CAST: variants seen among roughly 807,000 people sequenced by gnomAD.
The protein encoded by CAST is MIR583 host.
CAST carries 76 observed loss-of-function variants against 119.6 expected under a neutral mutation model. That is an observed-to-expected ratio of 0.64 (90% CI 0.53 to 0.77). CAST has a LOEUF of 0.77. CAST is among the 30% of genes least tolerant of loss of function. The probability of loss-of-function intolerance (pLI) is 0.00; values close to 1 mark genes in which losing one functional copy is unlikely to be tolerated. For missense variants in CAST, 953 were observed against 946.5 expected (o/e 1.01, Z -0.09); for synonymous variants, 319 against 331.6 (o/e 0.96, Z 0.41).
At chr5:96,642,404 A>C (rs973530490) in intron 1 of CAST, among the ~76,000 whole-genome samples, 126 of 152,332 alleles carry the variant, frequency 8.3e-4, no homozygotes, top group Middle Eastern at 3.4e-3. Flanking sequence ...GGAATTAGAA[A>C]GGCACTTCCA....
chr5:96,556,508 C>T (rs1746243628), intron 1 of CAST, among the ~76,000 whole-genome samples: 2 of 152,094 alleles, frequency 1.3e-5, no homozygotes, highest in Admixed American at 1.3e-4. Flanking sequence ...GCAGAGAAGT[C>T]CTTAAAGGAC....
the CAST span, among the ~76,000 whole-genome samples, chr5:96,077,520 A>G: frequency 7.2e-5 from 11 of 152,290 alleles, no homozygotes; most frequent in East Asian, 2.1e-3. Flanking sequence ...TGATCCACCC[A>G]AACTTCATGT....
rs751155983 is a variant in CAST, at chr5:96,730,851, G to A, written c.621G>A (p.Pro207=). 66 of 1,612,264 alleles carry A rather than the reference G, an allele frequency of 4.1e-5. No homozygotes were observed. Among genetic ancestry groups the A allele is most frequent in the Non-Finnish European group, 5.3e-5 (62 of 1,178,448 alleles). The part of the protein sequence containing the change: ...VAGITAISGK[P]GDKKKEKKSL... The stretch of plus-strand genomic sequence containing the variant: ...GTATCACTGCAATATCTGGCAAGCC[G>A]GGTGACAAGGTGAGCACACACAAGC... Residue 207 remains proline (P), a synonymous_variant, in exon 9 of 32, where the codon CCG becomes CCA. Transcript: ENST00000675179.
chr5:96,433,268 G>C, the CAST span: 1 of 580,574 alleles, frequency 1.7e-6, no homozygotes, highest in Non-Finnish European at 3.1e-6. Context: ...GCCCTTCCCA[G>C]CCAGAATGGA....
the CAST span, among the ~76,000 whole-genome samples, chr5:96,197,200 C>A: frequency 6.6e-6 from 1 of 152,124 alleles, no homozygotes; most frequent in African/African-American, 2.4e-5. Flanking sequence ...GCATCTGTCC[C>A]AGTTCAAATC....
chr5:95,962,111 G>C, the CAST span: 2 of 374,150 alleles, frequency 5.3e-6, no homozygotes, highest in African/African-American at 4.2e-5. Flanking sequence ...TGGCTAGCCG[G>C]CCGAGATTGG....
At chr5:96,190,632 C>CT in the CAST span, among the ~76,000 whole-genome samples, 2 of 152,142 alleles carry the variant, frequency 1.3e-5, no homozygotes, top group East Asian at 1.9e-4. Flanking sequence ...TCTTTATTGT[C>CT]TTTTTGCGGC....
chr5:96,167,229 A>C, the CAST span, among the ~76,000 whole-genome samples: 1 of 152,232 alleles, frequency 6.6e-6, no homozygotes, highest in Non-Finnish European at 1.5e-5. Context: ...AAGAGTTAAG[A>C]GTGCTGGTTT....
At chr5:96,381,243 A>G in the CAST span, among the ~76,000 whole-genome samples, 1 of 152,162 alleles carries the variant, frequency 6.6e-6, no homozygotes, top group Non-Finnish European at 1.5e-5. Context: ...TCATAAAAAT[A>G]TGTTAATTAT....
the CAST span, among the ~76,000 whole-genome samples, chr5:96,058,638 A>G: frequency 2.0e-5 from 3 of 152,034 alleles, no homozygotes; most frequent in African/African-American, 4.8e-5. Context: ...TAGCCATCCA[A>G]TGGTTAACGC....
At chr5:96,591,511 G>A (rs1357854722) in intron 1 of CAST, among the ~76,000 whole-genome samples, 1 of 152,154 alleles carries the variant, frequency 6.6e-6, no homozygotes, top group South Asian at 2.1e-4. Context: ...TCTGGTCTGA[G>A]TTAGGTACAG....
the CAST span, among the ~76,000 whole-genome samples, chr5:96,180,248 C>T: frequency 3.6e-3 from 541 of 152,230 alleles, 2 homozygotes; most frequent in African/African-American, 0.013. Flanking sequence ...AAATTAGCCC[C>T]TTTGACAGAA....
chr5:95,994,008 G>A, the CAST span, among the ~76,000 whole-genome samples: 1 of 151,940 alleles, frequency 6.6e-6, no homozygotes, highest in African/African-American at 2.4e-5. Flanking sequence ...AAAATTAAAA[G>A]CCTGGCAATC....
At chr5:96,312,493 A>AT in the CAST span, among the ~76,000 whole-genome samples, 1 of 152,218 alleles carries the variant, frequency 6.6e-6, no homozygotes, top group African/African-American at 2.4e-5. Flanking sequence ...CACCTCAGGA[A>AT]TTTTACATCC....
chr5:96,695,946 T>C, intron 3 of CAST, 39 bp downstream of exon 3: 3 of 1,427,996 alleles, frequency 2.1e-6, no homozygotes, highest in Non-Finnish European at 9.8e-7. Flanking sequence ...CCCTACTGTA[T>C]TCTACAGGGA....
the CAST span, among the ~76,000 whole-genome samples, chr5:96,107,895 C>G: frequency 1.3e-5 from 2 of 152,080 alleles, no homozygotes; most frequent in Non-Finnish European, 2.9e-5. Flanking sequence ...TCACATAGTC[C>G]CATATTTCTT....
At chr5:96,077,360 C>A in the CAST span, among the ~76,000 whole-genome samples, 2 of 152,044 alleles carry the variant, frequency 1.3e-5, no homozygotes, top group Admixed American at 1.3e-4. Flanking sequence ...ACTTTCTCTG[C>A]AATTTTATGT....
chr5:96,454,847 T>C, the CAST span, among the ~76,000 whole-genome samples: 1 of 152,192 alleles, frequency 6.6e-6, no homozygotes, highest in Non-Finnish European at 1.5e-5. Flanking sequence ...CTCAGTTCGG[T>C]GCTAATATGC....
intron 1 of CAST, among the ~76,000 whole-genome samples, chr5:96,534,728 A>AAGGAAGGAAG (rs1561408787): frequency 1.2e-4 from 2 of 16,876 alleles, no homozygotes; most frequent in African/African-American, 3.7e-4. Flanking sequence ...AGAGAGAGAG[A>AAGGAAGGAAG]GAGAGAGAGA....
Sources: gnomAD v4.1 joint callset for allele counts (sites outside exome capture counted in the v4.1 genomes callset) on GRCh38, gnomAD v4.1.1 for gene constraint, MANE v1.5 for transcripts, NCBI Gene and HGNC (gene_info 2026-07-23, HGNC 2026-07-21) for gene names.